Variants in PIK3AP1 observed in about 807,000 individuals in gnomAD.
PIK3AP1 encodes the protein phosphoinositide-3-kinase adaptor protein 1, also known as phosphoinositide 3-kinase adapter protein 1.
PIK3AP1 carries 21 observed loss-of-function variants against 88.1 expected under a neutral mutation model. The observed-to-expected ratio is 0.24, with a 90% CI of 0.17 to 0.34. The LOEUF (loss-of-function observed/expected upper bound fraction) is 0.34. PIK3AP1 is among the 10% of genes least tolerant of loss of function. The pLI is 1.00. For missense variants in PIK3AP1, 828 were observed against 1,035.7 expected, an observed-to-expected ratio of 0.80 and a Z score of 2.75; for synonymous variants, 398 against 400.0, an observed-to-expected ratio of 1.00 and a Z score of 0.06.
At chr10:96,611,236 T>C (rs1419287087) in intron 13 of PIK3AP1, among the ~76,000 whole-genome samples, 1 of 152,200 alleles carries the variant, frequency 6.6e-6, no homozygotes, top group Non-Finnish European at 1.5e-5. Context: ...CCAGGTGTAG[T>C]GTATGGTCCA....
intron 2 of PIK3AP1, among the ~76,000 whole-genome samples, chr10:96,705,191 G>A (rs1329038509): frequency 1.3e-5 from 2 of 152,202 alleles, no homozygotes; most frequent in Admixed American, 6.5e-5. Context: ...AACATGACCA[G>A]TATTTCTTCA....
chr10:96,613,524 T>C (rs1232131337), intron 13 of PIK3AP1, among the ~76,000 whole-genome samples: 1 of 152,162 alleles, frequency 6.6e-6, no homozygotes, highest in Non-Finnish European at 1.5e-5. Context: ...GAAGTACAAA[T>C]ACTTAACACC....
intron 2 of PIK3AP1, among the ~76,000 whole-genome samples, chr10:96,661,396 T>C (rs1396761739): frequency 3.3e-5 from 5 of 152,206 alleles, no homozygotes; most frequent in Non-Finnish European, 7.3e-5. Context: ...TCCACACCAA[T>C]AGAGTATACA....
chr10:96,628,895 T>TAC (rs1564961279), intron 8 of PIK3AP1, among the ~76,000 whole-genome samples: 1 of 29,420 alleles, frequency 3.4e-5, no homozygotes, highest in African/African-American at 9.5e-5. Flanking sequence ...TATACATATA[T>TAC]ATATATATAT....
chr10:96,707,330 T>A (rs1268349100), intron 2 of PIK3AP1, among the ~76,000 whole-genome samples: 2 of 152,214 alleles, frequency 1.3e-5, no homozygotes, highest in Non-Finnish European at 2.9e-5. Context: ...TCTTGCTCTG[T>A]CGCCCAGGCT....
chr10:96,667,227 C>G (rs1311371380), intron 2 of PIK3AP1, among the ~76,000 whole-genome samples: 1 of 152,212 alleles, frequency 6.6e-6, no homozygotes, highest in African/African-American at 2.4e-5. Context: ...GTGCTCACTG[C>G]CTCTTTTCAC....
At chr10:96,628,542 C>T in intron 8 of PIK3AP1, 49 bp from the exon 9 acceptor site, 2 of 1,450,378 alleles carry the variant, frequency 1.4e-6, no homozygotes, top group South Asian at 1.1e-5. Context: ...CCTCCACAGG[C>T]AAGGAGATTT....
At chr10:96,701,568 G>C (rs1211687596) in intron 2 of PIK3AP1, among the ~76,000 whole-genome samples, 1 of 152,212 alleles carries the variant, frequency 6.6e-6, no homozygotes, top group Non-Finnish European at 1.5e-5. Context: ...TCCCTGAGGG[G>C]AGGAGGGTAC....
rs1844415119 is a variant in PIK3AP1, at chr10:96,709,804, G to A, written c.193C>T (p.Arg65Cys). The change falls in exon 2 of 17, where the codon CGC becomes TGC. Residue 65 changes from arginine (R) to cysteine (C), a missense_variant. Coordinates refer to ENST00000339364, the MANE Select transcript of PIK3AP1 (RefSeq NM_152309.3). Reference protein sequence around the residue: ...AEDLSLFLSTRCVVVLLSAEL... With the variant: ...AEDLSLFLSTCCVVVLLSAEL... ...GCGGACAGCAGCACCACGACACAGC[G>A]GGTGCTGAGGAAAAGGCTTAGGTCC... The A allele has an allele frequency of 6.2e-7, 1 of 1,613,594 alleles. No individual in the cohort carries two copies. The highest frequency in any genetic ancestry group is 1.7e-5 in the Admixed American group (1 of 60,006).
At chr10:96,693,927 T>G (rs1421072574) in intron 2 of PIK3AP1, among the ~76,000 whole-genome samples, 1 of 152,206 alleles carries the variant, frequency 6.6e-6, no homozygotes, top group East Asian at 1.9e-4. Context: ...ATTACTACTA[T>G]GAAAAAATGA....
chr10:96,654,885 G>A (rs1411297051), intron 3 of PIK3AP1, among the ~76,000 whole-genome samples: 1 of 152,220 alleles, frequency 6.6e-6, no homozygotes. Flanking sequence ...TAAGGCAAAG[G>A]AGTGAGATAG....
At chr10:96,615,169 A>C (rs1849192956) in intron 13 of PIK3AP1, among the ~76,000 whole-genome samples, 1 of 152,180 alleles carries the variant, frequency 6.6e-6, no homozygotes, top group Non-Finnish European at 1.5e-5. Flanking sequence ...TTGTTAGAGC[A>C]ATAAATAGGA....
chr10:96,663,652 AAAG>A (rs1843724736), intron 2 of PIK3AP1, among the ~76,000 whole-genome samples: 1 of 149,774 alleles, frequency 6.7e-6, no homozygotes, highest in Non-Finnish European at 1.5e-5. Context: ...AAAAAAAAAA[AAAG>A]AAACCCATTG....
intron 2 of PIK3AP1, among the ~76,000 whole-genome samples, chr10:96,701,210 T>G (rs1433983502): frequency 2.0e-5 from 3 of 152,316 alleles, no homozygotes; most frequent in Admixed American, 1.3e-4. Context: ...ACTTGGAAAT[T>G]TATGGCCTGG....
intron 2 of PIK3AP1, among the ~76,000 whole-genome samples, chr10:96,692,654 A>G (rs1844169287): frequency 6.6e-6 from 1 of 152,186 alleles, no homozygotes; most frequent in African/African-American, 2.4e-5. Context: ...AATGTACTCA[A>G]ACCCTCCTGT....
chr10:96,714,870 CTGGG>C (rs962174486), intron 1 of PIK3AP1, among the ~76,000 whole-genome samples: 1 of 151,994 alleles, frequency 6.6e-6, no homozygotes, highest in African/African-American at 2.4e-5. Flanking sequence ...AATAAATACA[CTGGG>C]GAAAAAAGAC....
intron 8 of PIK3AP1, among the ~76,000 whole-genome samples, chr10:96,643,754 C>G (rs1219826077): frequency 1.3e-5 from 2 of 152,230 alleles, no homozygotes; most frequent in African/African-American, 4.8e-5. Flanking sequence ...TTGGTGCCTG[C>G]TCTTCCATGA....
chr10:96,646,258 T>TA (rs55906067), intron 7 of PIK3AP1, among the ~76,000 whole-genome samples: 26,330 of 144,598 alleles, frequency 0.18, 2,600 homozygotes, highest in Middle Eastern at 0.27. Flanking sequence ...AGACTCTGTC[T>TA]AAAAAAAAAA....
intron 11 of PIK3AP1, chr10:96,620,901 C>T (rs540002731): frequency 1.7e-5 from 4 of 230,516 alleles, no homozygotes; most frequent in Non-Finnish European, 2.6e-5. Context: ...CTGGAACCTG[C>T]GTCTTCTGCT....
Sources: gnomAD v4.1 joint callset for allele counts (sites outside exome capture counted in the v4.1 genomes callset) on GRCh38, gnomAD v4.1.1 for gene constraint, MANE v1.5 for transcripts, NCBI Gene and HGNC (gene_info 2026-07-23, HGNC 2026-07-21) for gene names.